The following LTF variants were observed in gnomAD, a reference collection of about 807,000 sequenced individuals.
The protein encoded by LTF is epididymis luminal protein 110.
A neutral mutation model predicts 87.2 loss-of-function variants in LTF; 91 were observed. The observed-to-expected ratio is 1.04, with a 90% CI of 0.88 to 1.24. LTF has a LOEUF of 1.24. Among genes scored for constraint, LTF ranks in the 50% most tolerant of loss-of-function variants. LTF has a pLI of 0.00. For synonymous variants in LTF, 378 were observed against 356.1 expected (o/e 1.06, Z -0.69); for missense variants, 901 against 904.3 (o/e 1.00, Z 0.05).
chr3:46,473,363 G>A (rs1054163053), intron 1 of LTF, among the ~76,000 whole-genome samples: 2 of 152,168 alleles, frequency 1.3e-5, no homozygotes, highest in Non-Finnish European at 2.9e-5. Flanking sequence ...GCTCAGCCTA[G>A]AAGTTCCACC....
chr3:46,446,056 G>A (rs1702646143), intron 11 of LTF, among the ~76,000 whole-genome samples: 2 of 152,192 alleles, frequency 1.3e-5, no homozygotes, highest in Admixed American at 6.5e-5. Flanking sequence ...ACTGGGACAC[G>A]AGTCCCAGGT....
At chr3:46,464,713 G>T in intron 1 of LTF, 112 bp downstream of exon 1, 1 of 1,185,426 alleles carries the variant, frequency 8.4e-7, no homozygotes, top group Non-Finnish European at 1.2e-6. Context: ...TGGGACCGCG[G>T]GGCGCAGAGA....
chr3:46,471,439 C>A (rs1013109370), intron 1 of LTF, among the ~76,000 whole-genome samples: 14 of 152,244 alleles, frequency 9.2e-5, no homozygotes, highest in African/African-American at 3.1e-4. Context: ...GTACTTGTAA[C>A]TACTGACACC....
At position 46,443,303 on chromosome 3, in the gene LTF, G is replaced by C. The variant is rs1702567531; in HGVS notation, c.1655+138C>G. 6 of 1,043,822 alleles carry C rather than the reference G, an allele frequency of 5.7e-6. No individual in the cohort carries two copies. The South Asian group carries it at 5.9e-5, about 10-fold the overall frequency. 64.7% of individuals were successfully genotyped at this position (1,043,822 alleles called of 1,614,324 possible). A position where few individuals can be genotyped will look rare whatever the true frequency, so the allele number is the denominator to read the frequency against. On this transcript the variant is annotated intron_variant, in intron 13 of 16. Transcript: ENST00000231751. ...GGTGTGGTGGGGACAGCCCTCACTG[G>C]GGCCACCCATGAGCTGACCCACAGG...
rs116987473 is a variant in LTF, at chr3:46,472,655, C to T, written c.-319-2189G>A. ...AAGAGATCCTCTTGAAGTTCAGCCACATGGTCAGCCCTTTTGAGTAAAGCT... is the reference window on the plus strand; with the variant it reads ...AAGAGATCCTCTTGAAGTTCAGCCATATGGTCAGCCCTTTTGAGTAAAGCT... On this transcript the variant is annotated intron_variant, in intron 1 of 19. Coordinates refer to the LTF transcript ENST00000443496. Among the ~76,000 whole-genome samples, 246 of 152,136 alleles carry T rather than the reference C, an allele frequency of 1.6e-3. 10 individuals carry two copies. The East Asian group carries it at 0.044, about 27-fold the overall frequency.
chr3:46,450,712 C>T (rs376017833), intron 6 of LTF, 39 bp from the exon 7 acceptor site: 371 of 1,560,226 alleles, frequency 2.4e-4, no homozygotes, highest in Admixed American at 7.7e-4. Flanking sequence ...CTAGATAAGC[C>T]GACTCCAGCA....
At chr3:46,444,256 T>C (rs1214703299) in intron 12 of LTF, among the ~76,000 whole-genome samples, 1 of 152,180 alleles carries the variant, frequency 6.6e-6, no homozygotes, top group Non-Finnish European at 1.5e-5. Flanking sequence ...GCCAAATGAT[T>C]AAAGCCCAGG....
At chr3:46,464,780 G>T (rs1214650480) in intron 1 of LTF, 45 bp downstream of exon 1, 1 of 1,604,828 alleles carries the variant, frequency 6.2e-7, no homozygotes, top group East Asian at 2.2e-5. Context: ...CAGGGCGCAG[G>T]AGACGCCCAT....
At chr3:46,453,721 C>A (rs1702857379) in intron 6 of LTF, among the ~76,000 whole-genome samples, 1 of 152,138 alleles carries the variant, frequency 6.6e-6, no homozygotes, top group South Asian at 2.1e-4. Flanking sequence ...TATTATAAGT[C>A]CAGGAGGGAC....
chr3:46,436,554 G>C (rs935128053), intron 16 of LTF, among the ~76,000 whole-genome samples: 1 of 152,200 alleles, frequency 6.6e-6, no homozygotes, highest in Admixed American at 6.5e-5. Flanking sequence ...CTCCCGGAAT[G>C]TGAACCTGTT....
At chr3:46,456,471 CA>C (rs1702938462) in intron 2 of LTF, 73 bp from the exon 3 acceptor site, 9 of 1,219,644 alleles carry the variant, frequency 7.4e-6, no homozygotes, top group East Asian at 7.1e-5. Context: ...TTCAGGACCT[CA>C]AAAAGTCTCC....
At chr3:46,467,587 A>G (rs1703231747), upstream of LTF, among the ~76,000 whole-genome samples, 1 of 152,102 alleles carries the variant, frequency 6.6e-6, no homozygotes, top group Admixed American at 6.5e-5. Flanking sequence ...ACTAGGGACA[A>G]CAAAAGTTCC....
rs776567147 is a variant in LTF, at chr3:46,438,154, G to A, written c.1909-25C>T. On this transcript the variant is annotated intron_variant, in intron 15 of 16. Transcript: ENST00000231751. Reference sequence around the variant, plus strand: ...CCTGCGACAAAAGGGCAGACAGTGAGTAGCTAAGGAAAAGAGGAATTTATG... The same window carrying A: ...CCTGCGACAAAAGGGCAGACAGTGAATAGCTAAGGAAAAGAGGAATTTATG... The A allele has an allele frequency of 5.6e-6, 9 of 1,595,992 alleles. No homozygotes were observed. The South Asian group carries it at 7.7e-5, about 14-fold the overall frequency.
intron 8 of LTF, 64 bp from the exon 9 acceptor site, chr3:46,449,081 C>T: frequency 6.7e-7 from 1 of 1,499,916 alleles, no homozygotes; most frequent in Non-Finnish European, 9.0e-7. Context: ...CCAACCTCCC[C>T]AGAGCCAGGG....
intron 1 of LTF, among the ~76,000 whole-genome samples, chr3:46,463,068 G>A (rs1002566957): frequency 6.6e-6 from 1 of 152,058 alleles, no homozygotes; most frequent in African/African-American, 2.4e-5. Flanking sequence ...CTGGAGCTGT[G>A]TGACCCACAA....
At chr3:46,471,953 C>CT (rs1703294928) in intron 1 of LTF, among the ~76,000 whole-genome samples, 1 of 152,182 alleles carries the variant, frequency 6.6e-6, no homozygotes, top group African/African-American at 2.4e-5. Context: ...GGCCGAGATG[C>CT]TGTCATGTTA....
chr3:46,445,167 C>A (rs567652979), intron 12 of LTF, 114 bp downstream of exon 12: 9 of 1,098,278 alleles, frequency 8.2e-6, no homozygotes, highest in East Asian at 2.6e-5. Context: ...CTGGAAGAGG[C>A]CTGCAGGCCA....
At chr3:46,461,408 T>C (rs1024737098) in intron 1 of LTF, among the ~76,000 whole-genome samples, 4 of 152,230 alleles carry the variant, frequency 2.6e-5, no homozygotes, top group Non-Finnish European at 4.4e-5. Flanking sequence ...ACAACCTAAA[T>C]GTCCAATAAC....
chr3:46,447,379 A>G lies in LTF; in HGVS notation c.1232T>C (p.Met411Thr). The G allele has an allele frequency of 6.2e-7, 1 of 1,612,910 alleles. No individual in the cohort carries two copies. Among genetic ancestry groups the G allele is most frequent in the Non-Finnish European group, 8.5e-7 (1 of 1,178,916 alleles). ...ALVLKGEADA[M>T]SLDGGYVYTA... Reference sequence around the variant, plus strand: ...GTACACATATCCTCCATCCAAACTCATGGCATCAGCTTCTCCTTTCTGCAA... The same window carrying G: ...GTACACATATCCTCCATCCAAACTCGTGGCATCAGCTTCTCCTTTCTGCAA... Residue 411 changes from methionine (M) to threonine (T), a missense_variant, in exon 10 of 17, where the codon ATG becomes ACG. Transcript: ENST00000231751.
Sources: allele counts gnomAD v4.1 joint callset (sites outside exome capture counted in the v4.1 genomes callset), GRCh38; gene constraint gnomAD v4.1.1; transcripts MANE v1.5; gene names NCBI Gene and HGNC (gene_info 2026-07-23, HGNC 2026-07-21).